MAP3K9: variants seen among roughly 807,000 people sequenced by gnomAD.
The protein encoded by MAP3K9 is mitogen-activated protein kinase kinase kinase 9.
Under a neutral mutation model 95.8 loss-of-function variants are expected in MAP3K9, and 46 were observed. The ratio of observed to expected loss-of-function variants is 0.48; its 90% CI spans 0.38 to 0.61. MAP3K9 has a LOEUF of 0.61. Ranked by LOEUF, MAP3K9 falls within the 20% of genes least tolerant of loss-of-function variation. MAP3K9 has a pLI of 0.00. For missense variants in MAP3K9, 1,296 were observed against 1,474.3 expected (o/e 0.88, Z 1.98); for synonymous variants, 533 against 593.8 (o/e 0.90, Z 1.49).
At chr14:70,785,033 C>T (rs182854926) in intron 2 of MAP3K9, among the ~76,000 whole-genome samples, 77 of 152,260 alleles carry the variant, frequency 5.1e-4, no homozygotes, top group African/African-American at 1.7e-3. Context: ...GAAGGATCTC[C>T]TATTGCAGTC....
chr14:70,724,803 C>G lies in MAP3K9; in HGVS notation c.*5577G>C, dbSNP rs1186293938. ...CTCCCCAGGGCTCCGCTTGTGACTA[C>G]TCTGACCTCTGGGTTCAGAATGCCC... On this transcript the variant is annotated 3_prime_UTR_variant, in exon 12 of 12. Coordinates refer to ENST00000554752, the MANE Select transcript of MAP3K9 (RefSeq NM_001284230.2). 1 of 152,132 alleles carries G rather than the reference C, an allele frequency of 6.6e-6. No homozygotes were observed. Among genetic ancestry groups the G allele is most frequent in the Non-Finnish European group, 1.5e-5 (1 of 68,026 alleles). The allele number at this position is 152,132 out of a possible 1,614,324, so 9.4% of individuals were successfully genotyped here.
Position 70,808,827 on chromosome 14 carries a change from G to C in MAP3K9, c.345C>G (p.Ser115Arg), listed in dbSNP as rs531286700. Residue 115 changes from serine (S) to arginine (R), a missense_variant, in exon 1 of 12, where the codon AGC becomes AGG. By Grantham distance (110) the Ser-to-Arg change is moderately radical. This residue lies in a region of MAP3K9 where 338 missense variants were observed against 363.4 expected (regional missense o/e 0.93). Coordinates refer to ENST00000554752, the MANE Select transcript of MAP3K9 (RefSeq NM_001284230.2). Reference protein sequence around the residue: ...IFPSNYVTPRSAFSSRCQPGG... With the variant: ...IFPSNYVTPRRAFSSRCQPGG... ...CGGGCTGGCAGCGGCTGGAGAAGGC[G>C]CTGCGCGGGGTCACGTAGTTGCTGG... The C allele has an allele frequency of 3.8e-5, 61 of 1,597,152 alleles. No homozygotes were observed. The African/African-American group carries it at 7.1e-4, about 19-fold the overall frequency.
Position 70,725,801 on chromosome 14 carries a change from T to A in MAP3K9, c.*4579A>T, listed in dbSNP as rs552164918. 6.6e-6 allele frequency: 1 copy of A among 151,040 alleles called. No individual in the cohort carries two copies. Among genetic ancestry groups the A allele is most frequent in the African/African-American group, 2.4e-5 (1 of 41,036 alleles). The allele number at this position is 151,040 out of a possible 1,614,324, so 9.4% of individuals were successfully genotyped here. On this transcript the variant is annotated 3_prime_UTR_variant, in exon 12 of 12. Transcript: ENST00000554752. ...CCATATGAAATAGCTGATATTCGAC[T>A]GTTTTTGACGTAAAACCGTACGTAT...
chr14:70,793,652 TTTCATTCA>T (rs10672359), intron 2 of MAP3K9, among the ~76,000 whole-genome samples: 9 of 150,494 alleles, frequency 6.0e-5, no homozygotes, highest in South Asian at 2.1e-4. Flanking sequence ...TCACATGATA[TTTCATTCA>T]TTCATTCATT....
intron 2 of MAP3K9, among the ~76,000 whole-genome samples, chr14:70,799,310 A>G (rs8020852): frequency 1 from 151,991 of 152,110 alleles, 75,937 homozygotes; most frequent in Middle Eastern, 1. Context: ...ACTGCACCCC[A>G]CCACTACTTA....
At chr14:70,792,649 C>T (rs1303954439) in intron 2 of MAP3K9, among the ~76,000 whole-genome samples, 2 of 152,232 alleles carry the variant, frequency 1.3e-5, no homozygotes, top group Admixed American at 1.3e-4. Flanking sequence ...TGAGCCTTAG[C>T]TGCTTCCTCC....
chr14:70,757,990 C>CT (rs1235278131), intron 3 of MAP3K9, among the ~76,000 whole-genome samples: 1 of 152,062 alleles, frequency 6.6e-6, no homozygotes, highest in Admixed American at 6.5e-5. Context: ...TGACTTTGGA[C>CT]TAGGCAATGT....
At position 70,723,802 on chromosome 14, in the gene MAP3K9, T is replaced by C. The variant is rs2053783990; in HGVS notation, c.*6578A>G. On this transcript the variant is annotated 3_prime_UTR_variant, in exon 12 of 12. Coordinates refer to ENST00000554752, the MANE Select transcript of MAP3K9 (RefSeq NM_001284230.2). Reference sequence around the variant, plus strand: ...CCCCCACGTGGAAAAAAATTAATGATTTCTTATCATGTATTATTCGTCTTT... The same window carrying C: ...CCCCCACGTGGAAAAAAATTAATGACTTCTTATCATGTATTATTCGTCTTT... The C allele has an allele frequency of 6.6e-6, 1 of 152,200 alleles. No homozygotes were observed. Among genetic ancestry groups the C allele is most frequent in the Non-Finnish European group, 1.5e-5 (1 of 68,036 alleles). The allele number at this position is 152,200 out of a possible 1,614,324, so 9.4% of individuals were successfully genotyped here.
At chr14:70,778,863 A>T (rs1404949944) in intron 2 of MAP3K9, among the ~76,000 whole-genome samples, 1 of 152,224 alleles carries the variant, frequency 6.6e-6, no homozygotes, top group Admixed American at 6.5e-5. Flanking sequence ...GCTCTTGATG[A>T]TGCCTTACCC....
Position 70,734,452 on chromosome 14 carries a change from G to A in MAP3K9, c.1960C>T (p.Pro654Ser), listed in dbSNP as rs774052286. 1.9e-6 allele frequency: 3 copies of A among 1,613,992 alleles called. No individual in the cohort carries two copies. The Admixed American group carries it at 5.0e-5, about 27-fold the overall frequency. The stretch of plus-strand genomic sequence containing the variant: ...CTCCTTGGGCCCTTCACCAGGTTGG[G>A]GGCACTGGACGACCACTGCTTATAT... The part of the protein sequence containing the change: ...DGYKQWSSSA[P>S]NLVKGPRSSP... Residue 654 changes from proline (P) to serine (S), a missense_variant, in exon 10 of 12, where the codon CCC becomes TCC. By Grantham distance (74) the Pro-to-Ser change is moderately conservative (BLOSUM62 -1). Coordinates refer to ENST00000554752, the MANE Select transcript of MAP3K9 (RefSeq NM_001284230.2).
At chr14:70,802,505 G>C (rs984052675) in intron 1 of MAP3K9, among the ~76,000 whole-genome samples, 1 of 152,206 alleles carries the variant, frequency 6.6e-6, no homozygotes, top group African/African-American at 2.4e-5. Context: ...GGTGCTAAGT[G>C]CTATATGAGC....
At chr14:70,768,101 TGAC>T (rs1325101730) in intron 2 of MAP3K9, among the ~76,000 whole-genome samples, 3 of 152,090 alleles carry the variant, frequency 2.0e-5, no homozygotes, top group African/African-American at 4.8e-5. Context: ...CACAACAGGG[TGAC>T]TATAGTCAAA....
At chr14:70,741,408 T>C (rs1424185949) in intron 6 of MAP3K9, among the ~76,000 whole-genome samples, 1 of 152,164 alleles carries the variant, frequency 6.6e-6, no homozygotes, top group Non-Finnish European at 1.5e-5. Flanking sequence ...ACACTTCTAA[T>C]AAGCCTGCTT....
At chr14:70,782,825 C>T (rs929038660) in intron 2 of MAP3K9, among the ~76,000 whole-genome samples, 2 of 152,154 alleles carry the variant, frequency 1.3e-5, no homozygotes, top group Admixed American at 6.5e-5. Context: ...TCCTGTTCCC[C>T]ATGAGACAGA....
At chr14:70,761,500 C>T (rs575053320) in intron 2 of MAP3K9, among the ~76,000 whole-genome samples, 10 of 152,272 alleles carry the variant, frequency 6.6e-5, no homozygotes, top group African/African-American at 1.9e-4. Flanking sequence ...CAGTGGTTCA[C>T]GCATGTAATC....
chr14:70,808,268 G>C (rs1406605989), intron 1 of MAP3K9, among the ~76,000 whole-genome samples: 1 of 152,186 alleles, frequency 6.6e-6, no homozygotes, highest in African/African-American at 2.4e-5. Flanking sequence ...CGGGACTTGT[G>C]AGCCAGCTCA....
At chr14:70,739,832 A>T (rs1015482475) in intron 7 of MAP3K9, 33 of 1,465,060 alleles carry the variant, frequency 2.3e-5, no homozygotes, top group Admixed American at 1.3e-4. Flanking sequence ...ATGTGACTAA[A>T]AGGTAGAGGG....
chr14:70,801,122 TG>T (rs2054925432), intron 1 of MAP3K9, 42 bp from the exon 2 acceptor site: 2 of 1,567,364 alleles, frequency 1.3e-6, no homozygotes, highest in Non-Finnish European at 1.7e-6. Context: ...AAAAACATCT[TG>T]AAAACATCGT....
At chr14:70,739,502 T>TCA (rs141869536) in intron 7 of MAP3K9, among the ~76,000 whole-genome samples, 74,021 of 148,298 alleles carry the variant, frequency 0.5, 19,039 homozygotes, top group East Asian at 0.66. Flanking sequence ...AGGTGTATGT[T>TCA]CACACACACA....
Sources: allele counts gnomAD v4.1 joint callset (sites outside exome capture counted in the v4.1 genomes callset), GRCh38; gene constraint gnomAD v4.1.1; regional missense constraint gnomAD v4.1.1; transcripts MANE v1.5; gene names NCBI Gene and HGNC (gene_info 2026-07-23, HGNC 2026-07-21).